Variants in ASAP3 observed in about 807,000 individuals in gnomAD.
The protein encoded by ASAP3 is ArfGAP with SH3 domain, ankyrin repeat and PH domain 3, also known as arf-GAP with SH3 domain, ANK repeat and PH domain-containing protein 3.
ASAP3 carries 85 observed loss-of-function variants against 118.2 expected under a neutral mutation model. That is an observed-to-expected ratio of 0.72 (90% CI 0.60 to 0.86). The LOEUF (loss-of-function observed/expected upper bound fraction) is 0.86, where lower values mean the gene tolerates loss of function less well. Ranked by LOEUF, ASAP3 falls within the 40% of genes least tolerant of loss-of-function variation. The probability of loss-of-function intolerance (pLI) is 0.00; values close to 1 mark genes in which losing one functional copy is unlikely to be tolerated. For missense variants in ASAP3, 1,026 were observed against 1,175.0 expected (o/e 0.87, Z 1.85); for synonymous variants, 432 against 477.4 (o/e 0.90, Z 1.24).
At position 23,441,243 on chromosome 1, in the gene ASAP3, G is replaced by A. The variant is rs753007468; in HGVS notation, c.835-32C>T. 39 of 1,612,574 alleles carry A rather than the reference G, an allele frequency of 2.4e-5. No individual in the cohort carries two copies. In the South Asian group the frequency reaches 4.1e-4, roughly 17 times the overall value. ...CTCGGACATGCAAAGGAGACCTCAG[G>A]GCATCTCAGTGGGAAGAGCCCCATT... On this transcript the variant is annotated intron_variant, in intron 9 of 24. Transcript: ENST00000336689.
chr1:23,451,523 G>C lies in ASAP3; in HGVS notation c.429C>G (p.Ser143=), dbSNP rs775342631. ...KGQLRDGRQD[S]KKQLEKAWKD... is the part of the protein sequence containing the mutation. Reference sequence around the variant, plus strand: ...TCCATGCCTTCTCCAGCTGTTTTTTGGAATCCTGTGGGTTAAAAAAGGACA... The same window carrying C: ...TCCATGCCTTCTCCAGCTGTTTTTTCGAATCCTGTGGGTTAAAAAAGGACA... Residue 143 remains serine, a synonymous_variant, in exon 5 of 25, where the codon TCC becomes TCG. Coordinates refer to ENST00000336689, the MANE Select transcript of ASAP3 (RefSeq NM_017707.4). The C allele has an allele frequency of 1.2e-6, 2 of 1,614,062 alleles. No individual in the cohort carries two copies. Among genetic ancestry groups the C allele is most frequent in the Non-Finnish European group, 1.7e-6 (2 of 1,179,984 alleles).
chr1:23,441,923 T>C (rs1042953192), intron 7 of ASAP3, among the ~76,000 whole-genome samples, 193 bp from the exon 8 acceptor site: 13 of 152,148 alleles, frequency 8.5e-5, no homozygotes, highest in African/African-American at 2.9e-4. Flanking sequence ...AGCTATGTAA[T>C]CTTGGAAAAT....
intron 1 of ASAP3, among the ~76,000 whole-genome samples, chr1:23,473,351 G>C (rs1203814616): frequency 6.6e-6 from 1 of 152,178 alleles, no homozygotes; most frequent in Non-Finnish European, 1.5e-5. Context: ...ACCTTCAGCA[G>C]CTGTTCCCAG....
chr1:23,466,559 T>A (rs966783844), intron 1 of ASAP3, among the ~76,000 whole-genome samples: 9 of 152,212 alleles, frequency 5.9e-5, no homozygotes, highest in Admixed American at 2.0e-4. Context: ...CTCTGGTTTG[T>A]GTTCTCTGCA....
chr1:23,479,326 C>G (rs1034297269), intron 1 of ASAP3, among the ~76,000 whole-genome samples: 41 of 152,160 alleles, frequency 2.7e-4, no homozygotes, highest in African/African-American at 9.9e-4. Flanking sequence ...GCCTTAGTTC[C>G]TGACAACTTC....
At chr1:23,474,534 T>C (rs932531500) in intron 1 of ASAP3, among the ~76,000 whole-genome samples, 8 of 152,136 alleles carry the variant, frequency 5.3e-5, no homozygotes, top group Non-Finnish European at 7.4e-5. Flanking sequence ...CTGGGCCTTC[T>C]TCGTTCCTCT....
intron 8 of ASAP3, 81 bp downstream of exon 8, chr1:23,441,573 GA>G: frequency 6.2e-7 from 1 of 1,601,090 alleles, no homozygotes; most frequent in Non-Finnish European, 8.6e-7. Context: ...TCTGTGGGCA[GA>G]AGCCAGCTCT....
intron 1 of ASAP3, 86 bp from the exon 2 acceptor site, chr1:23,456,280 C>T: frequency 8.2e-7 from 1 of 1,226,702 alleles, no homozygotes; most frequent in Non-Finnish European, 1.2e-6. Context: ...TGATTTCCAC[C>T]CCCCAACCGC....
At chr1:23,452,043 C>T (rs535910662) in intron 4 of ASAP3, among the ~76,000 whole-genome samples, 213 of 152,316 alleles carry the variant, frequency 1.4e-3, no homozygotes, top group African/African-American at 4.8e-3. Flanking sequence ...ACCTGACTAC[C>T]CCCTGCCTAG....
chr1:23,464,659 TAAAAAAAAAAAAAAAAAAAA>T (rs57655847), intron 1 of ASAP3, among the ~76,000 whole-genome samples: 1 of 47,096 alleles, frequency 2.1e-5, no homozygotes. Flanking sequence ...GACACTGTCT[TAAAAAAAAAAAAAAAAAAAA>T]AAAAAAAAAA....
Position 23,438,754 on chromosome 1 carries a change from C to G in ASAP3, c.1095G>C (p.Leu365=). Residue 365 remains leucine (L), a synonymous_variant, in exon 12 of 25, where the codon CTG becomes CTC. Coordinates refer to ENST00000336689, the MANE Select transcript of ASAP3 (RefSeq NM_017707.4). This position sits in a 1 kb window ranked among gnomAD's most constrained non-coding sequence, Gnocchi z 4.9. ...GGCACAGGGACCACTCACGGGTCAC[C>G]AGGTCGAAGCACTTTTTCTCCTCAG... is the stretch of plus-strand genomic sequence containing the variant. The part of the protein sequence containing the change: ...PNPEEKKCFD[L]VTHNRTYHFQ... 1 of 1,614,066 alleles carries G rather than the reference C, an allele frequency of 6.2e-7. No homozygotes were observed. Among genetic ancestry groups the G allele is most frequent in the Non-Finnish European group, 8.5e-7 (1 of 1,179,970 alleles).
At position 23,438,849 on chromosome 1, in the gene ASAP3, G is replaced by A. The variant is rs769289960; in HGVS notation, c.1015-15C>T. The A allele has an allele frequency of 3.3e-5, 53 of 1,613,656 alleles. No homozygotes were observed. The South Asian group carries it at 4.9e-4, about 15-fold the overall frequency. ...GGCCGGTTTATCTGTGGGAATTTAG[G>A]GGCGGAGGATGTATGCATTACCTCT... On this transcript the variant is annotated splice_polypyrimidine_tract_variant and intron_variant, in intron 11 of 24. Transcript: ENST00000336689. This position sits in a 1 kb window ranked among gnomAD's most constrained non-coding sequence, Gnocchi z 4.9.
intron 1 of ASAP3, among the ~76,000 whole-genome samples, chr1:23,461,671 C>A (rs1285174742): frequency 2.7e-5 from 4 of 147,038 alleles, no homozygotes; most frequent in African/African-American, 9.8e-5. Flanking sequence ...AAACGCACCC[C>A]CCCACAAAAA....
At chr1:23,461,499 T>TCAAACGCACCCCC (rs1641584776) in intron 1 of ASAP3, among the ~76,000 whole-genome samples, 1 of 151,916 alleles carries the variant, frequency 6.6e-6, no homozygotes, top group East Asian at 1.9e-4. Context: ...AGAGTCTGTC[T>TCAAACGCACCCCC]CTACAAAAAA....
In ASAP3 at chr1:23,452,871, G is replaced by A. The variant is rs573242315; in HGVS notation, c.349-100C>T. On this transcript the variant is annotated intron_variant, in intron 3 of 24. Transcript: ENST00000336689. Reference sequence around the variant, plus strand: ...AGCATCACTTGGCAAAGAGAGCAGCGGGGAAGGGAAGTAGGGGAGAGGAAA... The same window carrying A: ...AGCATCACTTGGCAAAGAGAGCAGCAGGGAAGGGAAGTAGGGGAGAGGAAA... 43 of 1,183,780 alleles carry A rather than the reference G, an allele frequency of 3.6e-5. No individual in the cohort carries two copies. The African/African-American group carries it at 3.8e-4, about 10-fold the overall frequency. 73.3% of individuals were successfully genotyped at this position (1,183,780 alleles called of 1,614,324 possible). A position where few individuals can be genotyped will look rare whatever the true frequency, so the allele number is the denominator to read the frequency against.
intron 1 of ASAP3, among the ~76,000 whole-genome samples, chr1:23,465,555 G>A (rs915649343): frequency 6.6e-6 from 1 of 151,480 alleles, no homozygotes; most frequent in African/African-American, 2.4e-5. Flanking sequence ...AGGCTAGAGT[G>A]CAGACACACA....
At chr1:23,484,317 G>T, upstream of ASAP3, 2 of 527,500 alleles carry the variant, frequency 3.8e-6, no homozygotes, top group Non-Finnish European at 2.7e-6. Context: ...CCCGCCCCCG[G>T]CTCCTCGCCT....
chr1:23,452,657 T>G, intron 4 of ASAP3, 40 bp downstream of exon 4: 1 of 1,599,924 alleles, frequency 6.3e-7, no homozygotes, highest in Non-Finnish European at 8.6e-7. Context: ...CCACCCCTCT[T>G]TTACTCTGTC....
intron 1 of ASAP3, among the ~76,000 whole-genome samples, chr1:23,473,958 T>G (rs571638327): frequency 6.9e-6 from 1 of 144,458 alleles, no homozygotes; most frequent in South Asian, 2.3e-4. Context: ...GAGGCGAAAA[T>G]GGCATTAAAT....
Sources: allele counts gnomAD v4.1 joint callset (sites outside exome capture counted in the v4.1 genomes callset), GRCh38; gene constraint gnomAD v4.1.1; non-coding constraint Gnocchi (gnomAD v3.1); transcripts MANE v1.5; gene names NCBI Gene and HGNC (gene_info 2026-07-23, HGNC 2026-07-21).